Variants in SLC17A1 observed in about 807,000 individuals in gnomAD.
The protein encoded by SLC17A1 is solute carrier family 17 member 1, also known as sodium-dependent phosphate transport protein 1.
A neutral mutation model predicts 53.5 loss-of-function variants in SLC17A1; 51 were observed. The ratio of observed to expected loss-of-function variants is 0.95; its 90% CI spans 0.76 to 1.20. The LOEUF is 1.20. Among genes scored for constraint, SLC17A1 ranks in the 50% most tolerant of loss-of-function variants. The pLI, the probability that SLC17A1 is intolerant of heterozygous loss-of-function variation, is 0.00. For missense variants in SLC17A1, 538 were observed against 568.2 expected, an observed-to-expected ratio of 0.95 and a Z score of 0.54; for synonymous variants, 179 against 198.8, an observed-to-expected ratio of 0.90 and a Z score of 0.84.
At chr6:25,794,513 G>A (rs888297636) in intron 12 of SLC17A1, among the ~76,000 whole-genome samples, 7 of 152,130 alleles carry the variant, frequency 4.6e-5, no homozygotes, top group Non-Finnish European at 8.8e-5. Flanking sequence ...TTCAGCTATT[G>A]TCCCTAGGAT....
downstream of SLC17A1, chr6:25,778,977 A>C: frequency 6.3e-7 from 1 of 1,576,904 alleles, no homozygotes; most frequent in Non-Finnish European, 8.6e-7. Context: ...GCAGGAGGAC[A>C]CAGAGCCAAA....
At chr6:25,823,025 A>C (rs1378622494) in intron 3 of SLC17A1, among the ~76,000 whole-genome samples, 1 of 151,938 alleles carries the variant, frequency 6.6e-6, no homozygotes, top group Non-Finnish European at 1.5e-5. Flanking sequence ...ATTTTCTAGA[A>C]GTTTTATATT....
At chr6:25,727,701 G>A in the SLC17A1 span, among the ~76,000 whole-genome samples, 1 of 151,990 alleles carries the variant, frequency 6.6e-6, no homozygotes, top group Non-Finnish European at 1.5e-5. Context: ...ATCAGCTGTG[G>A]GCCGAGGGTA....
the SLC17A1 span, chr6:25,726,023 G>A: frequency 4.1e-6 from 4 of 965,302 alleles, no homozygotes; most frequent in African/African-American, 3.2e-5. Flanking sequence ...CTGGTTAACA[G>A]CAGTAACGTT....
the SLC17A1 span, among the ~76,000 whole-genome samples, chr6:25,733,835 T>C: frequency 6.7e-6 from 1 of 149,222 alleles, no homozygotes; most frequent in Non-Finnish European, 1.5e-5. Context: ...TGTGTGTGTG[T>C]GTATGACAGA....
chr6:25,726,217 G>A, the SLC17A1 span: 23 of 1,611,864 alleles, frequency 1.4e-5, no homozygotes, highest in Non-Finnish European at 1.9e-5. Context: ...TCCGCCCTGG[G>A]CAATGGTCAC....
At chr6:25,726,186 T>C in the SLC17A1 span, 10 of 1,594,528 alleles carry the variant, frequency 6.3e-6, no homozygotes, top group African/African-American at 2.7e-5. Context: ...GCAGCAGCAC[T>C]GCCTGAATGT....
chr6:25,818,874 A>G (rs535998319), intron 6 of SLC17A1, among the ~76,000 whole-genome samples, 194 bp downstream of exon 6: 1 of 152,242 alleles, frequency 6.6e-6, no homozygotes, highest in Non-Finnish European at 1.5e-5. Context: ...ATGTACAAAA[A>G]TACATGTATA....
the SLC17A1 span, chr6:25,731,930 A>C: frequency 6.2e-7 from 1 of 1,601,368 alleles, no homozygotes; most frequent in East Asian, 2.3e-5. Context: ...CCAGGCGGGA[A>C]GCCTCACAGG....
At chr6:25,726,041 G>A in the SLC17A1 span, 11 of 1,210,304 alleles carry the variant, frequency 9.1e-6, no homozygotes, top group African/African-American at 3.0e-5. Flanking sequence ...GTTTTGTAAC[G>A]TACAGCCTTT....
At chr6:25,762,685 T>G in the SLC17A1 span, among the ~76,000 whole-genome samples, 1 of 152,274 alleles carries the variant, frequency 6.6e-6, no homozygotes, top group African/African-American at 2.4e-5. Context: ...TTTTAGCCAG[T>G]TTGTCTGTTA....
downstream of SLC17A1, among the ~76,000 whole-genome samples, chr6:25,781,624 C>T (rs953509107): frequency 7.2e-5 from 11 of 152,280 alleles, no homozygotes; most frequent in South Asian, 2.1e-4. Context: ...CAGGCAACTT[C>T]TGCTCATAGT....
the SLC17A1 span, among the ~76,000 whole-genome samples, chr6:25,729,987 C>T: frequency 6.6e-6 from 1 of 151,998 alleles, no homozygotes; most frequent in Non-Finnish European, 1.5e-5. Context: ...TAAAACAATA[C>T]CAAATTGAGT....
At chr6:25,808,268 C>T (rs2151488425) in intron 10 of SLC17A1, among the ~76,000 whole-genome samples, 1 of 151,594 alleles carries the variant, frequency 6.6e-6, no homozygotes, top group South Asian at 2.1e-4. Context: ...ATATGTTTTT[C>T]ACTTATAAGT....
At chr6:25,802,156 G>C (rs932502376) in intron 10 of SLC17A1, among the ~76,000 whole-genome samples, 1 of 151,964 alleles carries the variant, frequency 6.6e-6, no homozygotes, top group African/African-American at 2.4e-5. Context: ...TGACTGCTCT[G>C]GCATAAAGGC....
intron 12 of SLC17A1, among the ~76,000 whole-genome samples, chr6:25,791,551 C>T (rs1445326910): frequency 2.0e-5 from 3 of 152,128 alleles, no homozygotes; most frequent in African/African-American, 7.2e-5. Context: ...TGGTAAAATT[C>T]AAACACTAGG....
At chr6:25,736,506 T>G in the SLC17A1 span, among the ~76,000 whole-genome samples, 1 of 152,124 alleles carries the variant, frequency 6.6e-6, no homozygotes. Flanking sequence ...TTTTTCTCTT[T>G]CCTTTAATAC....
At chr6:25,782,863 G>T (rs1763295355), downstream of SLC17A1, 1 of 152,118 alleles carries the variant, frequency 6.6e-6, no homozygotes, top group African/African-American at 2.4e-5. Context: ...TCTACAATGA[G>T]AAAGAATAAA....
At chr6:25,756,016 C>G in the SLC17A1 span, among the ~76,000 whole-genome samples, 2 of 152,122 alleles carry the variant, frequency 1.3e-5, no homozygotes, top group East Asian at 3.9e-4. Context: ...CTAGCCTAGC[C>G]CATCCACCAT....
Sources: allele counts gnomAD v4.1 joint callset (sites outside exome capture counted in the v4.1 genomes callset), GRCh38; gene constraint gnomAD v4.1.1; transcripts MANE v1.5; gene names NCBI Gene and HGNC (gene_info 2026-07-23, HGNC 2026-07-21).